SPECC1: variants seen among roughly 807,000 people sequenced by gnomAD.
SPECC1 encodes sperm antigen with calponin homology and coiled-coil domains 1.
In SPECC1, 62 loss-of-function variants were observed where a neutral mutation model predicts 104.1. The ratio of observed to expected loss-of-function variants is 0.60; its 90% CI spans 0.49 to 0.74. The LOEUF (loss-of-function observed/expected upper bound fraction) is 0.74, where lower values mean the gene tolerates loss of function less well. Ranked by LOEUF, SPECC1 falls within the 30% of genes least tolerant of loss-of-function variation. The pLI, the probability that SPECC1 is intolerant of heterozygous loss-of-function variation, is 0.00. For synonymous variants in SPECC1, 513 were observed against 501.6 expected, an observed-to-expected ratio of 1.02 and a Z score of -0.30; for missense variants, 1,306 against 1,310.5, an observed-to-expected ratio of 1.00 and a Z score of 0.05.
intron 4 of SPECC1, among the ~76,000 whole-genome samples, chr17:20,210,290 G>T (rs2037050383): frequency 6.6e-6 from 1 of 152,222 alleles, no homozygotes; most frequent in South Asian, 2.1e-4. Flanking sequence ...CCTGTCAGCG[G>T]CTTGAGCCAG....
rs1597717734 is a variant in SPECC1, at chr17:20,107,504, T to C, written c.148-2923T>C. On this transcript the variant is annotated intron_variant, in intron 2 of 14. Transcript: ENST00000395527. ...GAGATGGATAGACTGTTTGCCAGTATAGAGTGCAGTGGCGCGATCTCGGCT... is the reference window on the plus strand; with the variant it reads ...GAGATGGATAGACTGTTTGCCAGTACAGAGTGCAGTGGCGCGATCTCGGCT... Among the ~76,000 whole-genome samples, 4 of 150,406 alleles carry C rather than the reference T, an allele frequency of 2.7e-5. No homozygotes were observed. In the South Asian group the frequency reaches 8.5e-4, roughly 32 times the overall value.
At chr17:20,107,724 C>G (rs2048300552) in intron 2 of SPECC1, among the ~76,000 whole-genome samples, 1 of 152,062 alleles carries the variant, frequency 6.6e-6, no homozygotes, top group South Asian at 2.1e-4. Flanking sequence ...TGGGGTTTCA[C>G]CATGTTGACA....
intron 3 of SPECC1, among the ~76,000 whole-genome samples, chr17:20,130,619 A>C (rs2049565554): frequency 6.6e-6 from 1 of 152,192 alleles, no homozygotes; most frequent in Admixed American, 6.5e-5. Flanking sequence ...TGTCCCTCTG[A>C]CAATGCCTCA....
At chr17:20,270,596 GCAA>G (rs1481204183) in intron 12 of SPECC1, among the ~76,000 whole-genome samples, 4 of 151,662 alleles carry the variant, frequency 2.6e-5, no homozygotes. Context: ...TCCAGCCTGG[GCAA>G]CAGAGAGAGA....
At chr17:20,254,134 CGTGTGTGTGTGTGTGTGTGT>C (rs71357419) in intron 10 of SPECC1, among the ~76,000 whole-genome samples, 3 of 135,898 alleles carry the variant, frequency 2.2e-5, no homozygotes, top group African/African-American at 8.9e-5. Context: ...GTTGTTACAC[CGTGTGTGTGTGTGTGTGTGT>C]GTGTGTGTGT....
At chr17:20,087,972 A>G (rs76994917) in intron 1 of SPECC1, among the ~76,000 whole-genome samples, 1 of 152,020 alleles carries the variant, frequency 6.6e-6, no homozygotes. Flanking sequence ...AGCTGGGGGG[A>G]CATTCTGGAC....
chr17:20,074,085 C>T (rs182794134), intron 1 of SPECC1, among the ~76,000 whole-genome samples: 31 of 152,264 alleles, frequency 2.0e-4, no homozygotes, highest in African/African-American at 7.2e-4. Flanking sequence ...GTGAATAGGG[C>T]TGCTTCTGTG....
rs548009339 is a variant in SPECC1 at position 20,163,456 on chromosome 17, C to CA, written c.284-40870dup. Among the ~76,000 whole-genome samples, 509 of 151,800 alleles carry CA rather than the reference C, an allele frequency of 3.4e-3. 3 individuals carry two copies. Among genetic ancestry groups the CA allele is most frequent in the African/African-American group, 0.012 (480 of 41,422 alleles). On this transcript the variant is annotated intron_variant, in intron 3 of 14. Transcript: ENST00000395527. ...TATTTAGGTTCTTGTTAAAGTCTGA[C>CA]AAAAAAATCCAGTTTTTAAAGTCTT...
At chr17:20,182,138 G>A (rs1267669532) in intron 3 of SPECC1, among the ~76,000 whole-genome samples, 1 of 128,666 alleles carries the variant, frequency 7.8e-6, no homozygotes, top group Non-Finnish European at 1.6e-5. Flanking sequence ...TTGGAGACAG[G>A]GCCTCACTCC....
chr17:20,311,432 C>T (rs139323271), intron 14 of SPECC1, among the ~76,000 whole-genome samples: 1 of 152,020 alleles, frequency 6.6e-6, no homozygotes, highest in African/African-American at 2.4e-5. Context: ...CTCTGTCACC[C>T]AGGCCTGGGG....
chr17:20,037,449 C>T (rs1032328347), intron 1 of SPECC1, among the ~76,000 whole-genome samples: 2 of 151,876 alleles, frequency 1.3e-5, no homozygotes, highest in African/African-American at 4.8e-5. Flanking sequence ...CTGCACCTGG[C>T]CCAGTTTTCT....
In SPECC1 at chr17:20,174,893, CTTGGTCAAAATGACCAAGGCAAAATT is replaced by C. The variant is rs536737963; in HGVS notation, c.284-29428_284-29403del. On this transcript the variant is annotated intron_variant, in intron 3 of 14. Transcript: ENST00000395527. The stretch of plus-strand genomic sequence containing the variant: ...CACCTCATTTGACCAAGCCCTCTGC[CTTGGTCAAAATGACCAAGGCAAAATT>C]TTGGTCAAAATTTTTTGAAATGTTA... Among the ~76,000 whole-genome samples the C allele has an allele frequency of 1.6e-3, 236 of 152,030 alleles. 2 individuals are homozygous for C. Among genetic ancestry groups the C allele is most frequent in the African/African-American group, 5.2e-3 (217 of 41,480 alleles).
In SPECC1 at chr17:20,314,488, C is replaced by T. The variant is rs916327139; in HGVS notation, c.*423C>T. On this transcript the variant is annotated 3_prime_UTR_variant, in exon 15 of 15. Transcript: ENST00000395527. ...CGGCTTTGCCTTTATGAAACCTTTG[C>T]CCTTGGCTGGGTGTGGTAGCTCGTG... 2 of 306,562 alleles carry T rather than the reference C, an allele frequency of 6.5e-6. No homozygotes were observed. Among genetic ancestry groups the T allele is most frequent in the African/African-American group, 2.0e-5 (1 of 49,008 alleles). The allele number at this position is 306,562 out of a possible 1,614,324, so 19.0% of individuals were successfully genotyped here. A position where few individuals can be genotyped will look rare whatever the true frequency, so the allele number is the denominator to read the frequency against.
chr17:20,251,260 A>G (rs866930695), intron 9 of SPECC1, among the ~76,000 whole-genome samples: 20 of 150,060 alleles, frequency 1.3e-4, no homozygotes, highest in African/African-American at 4.4e-4. Context: ...TCATCTTAGT[A>G]GGTGGTGGCA....
intron 1 of SPECC1, among the ~76,000 whole-genome samples, chr17:20,093,393 T>A (rs2047490387): frequency 6.6e-6 from 1 of 152,166 alleles, no homozygotes; most frequent in Admixed American, 6.5e-5. Flanking sequence ...TGGGAGAACA[T>A]TCAGATCATA....
intron 1 of SPECC1, among the ~76,000 whole-genome samples, chr17:20,015,584 A>ATTTTTTTTTTT (rs1222758913): frequency 2.0e-4 from 20 of 102,080 alleles, no homozygotes; most frequent in Non-Finnish European, 3.0e-4. Context: ...CCGGGTCTCT[A>ATTTTTTTTTTT]TTTTTTTTTT....
At chr17:20,093,735 T>TTTTGTTTTTG (rs1597683157) in intron 1 of SPECC1, among the ~76,000 whole-genome samples, 1 of 33,260 alleles carries the variant, frequency 3.0e-5, no homozygotes, top group East Asian at 3.0e-4. Context: ...TGTTTTTTGT[T>TTTTGTTTTTG]TTTTTTTTTT....
intron 3 of SPECC1, among the ~76,000 whole-genome samples, chr17:20,180,659 T>C (rs2034816964): frequency 6.6e-6 from 1 of 152,258 alleles, no homozygotes; most frequent in Non-Finnish European, 1.5e-5. Context: ...AACTGGATAA[T>C]GCATGTCTTG....
chr17:20,225,156 A>G (rs1282492079), intron 4 of SPECC1, among the ~76,000 whole-genome samples: 1 of 152,120 alleles, frequency 6.6e-6, no homozygotes, highest in Non-Finnish European at 1.5e-5. Flanking sequence ...CTGAGCTGGT[A>G]TCCAAGTTGC....
Sources: allele counts gnomAD v4.1 joint callset (sites outside exome capture counted in the v4.1 genomes callset), GRCh38; gene constraint gnomAD v4.1.1; transcripts MANE v1.5; gene names NCBI Gene and HGNC (gene_info 2026-07-23, HGNC 2026-07-21).